SGCZ: variants seen among roughly 807,000 people sequenced by gnomAD.
SGCZ encodes zeta-sarcoglycan.
In SGCZ, 40 loss-of-function variants were observed where a neutral mutation model predicts 41.3. That is an observed-to-expected ratio of 0.97 (90% CI 0.75 to 1.26). SGCZ has a LOEUF of 1.26. Among genes scored for constraint, SGCZ ranks in the 50% most tolerant of loss-of-function variants. SGCZ has a pLI of 0.00. For synonymous variants in SGCZ, 206 were observed against 137.5 expected (o/e 1.50, Z -3.49); for missense variants, 552 against 369.8 (o/e 1.49, Z -4.04).
intron 1 of SGCZ, among the ~76,000 whole-genome samples, chr8:14,839,072 T>G (rs1028439687): frequency 1.8e-4 from 28 of 152,126 alleles, no homozygotes; most frequent in African/African-American, 6.8e-4. Flanking sequence ...GAATAGACTT[T>G]CAGGTGGTTG....
At chr8:14,500,207 T>C (rs548145333) in intron 2 of SGCZ, among the ~76,000 whole-genome samples, 1 of 152,208 alleles carries the variant, frequency 6.6e-6, no homozygotes, top group South Asian at 2.1e-4. Flanking sequence ...TATAATATAT[T>C]TTGACTTTTG....
intron 2 of SGCZ, among the ~76,000 whole-genome samples, chr8:14,463,720 T>G (rs1800968854): frequency 6.6e-6 from 1 of 151,724 alleles, no homozygotes; most frequent in Non-Finnish European, 1.5e-5. Context: ...AGTAAAAGCA[T>G]TTAGTCTTCA....
At chr8:14,275,497 T>C (rs1448983338) in intron 3 of SGCZ, among the ~76,000 whole-genome samples, 1 of 152,138 alleles carries the variant, frequency 6.6e-6, no homozygotes, top group Non-Finnish European at 1.5e-5. Flanking sequence ...CATATTCCCT[T>C]TCTCTGTTTG....
chr8:14,422,815 T>A (rs1167764846), intron 2 of SGCZ, among the ~76,000 whole-genome samples: 4 of 152,174 alleles, frequency 2.6e-5, no homozygotes, highest in Non-Finnish European at 5.9e-5. Context: ...TCTCTTAGGC[T>A]CAGAAATCTG....
intron 3 of SGCZ, among the ~76,000 whole-genome samples, chr8:14,271,951 G>A (rs2117265439): frequency 6.6e-6 from 1 of 152,114 alleles, no homozygotes; most frequent in South Asian, 2.1e-4. Flanking sequence ...AATTCCCATG[G>A]GCCATTGGAC....
At chr8:14,619,491 A>T (rs1232112479) in intron 1 of SGCZ, among the ~76,000 whole-genome samples, 14 of 152,174 alleles carry the variant, frequency 9.2e-5, no homozygotes, top group Admixed American at 3.9e-4. Flanking sequence ...GGAAAAGAAG[A>T]AGTCAAACTG....
At chr8:15,135,772 G>T (rs268430) in intron 1 of SGCZ, among the ~76,000 whole-genome samples, 2,012 of 152,178 alleles carry the variant, frequency 0.013, 41 homozygotes, top group African/African-American at 0.046. Context: ...GAAATAATTC[G>T]AGGGTGAGCT....
At chr8:14,739,097 T>C (rs1324306410) in intron 1 of SGCZ, among the ~76,000 whole-genome samples, 1 of 152,082 alleles carries the variant, frequency 6.6e-6, no homozygotes, top group Non-Finnish European at 1.5e-5. Context: ...TATATGTTGT[T>C]AATTACTACT....
chr8:14,104,337 C>A (rs936859592), intron 6 of SGCZ, among the ~76,000 whole-genome samples: 1 of 151,962 alleles, frequency 6.6e-6, no homozygotes, highest in African/African-American at 2.4e-5. Context: ...CCTCTACCAC[C>A]TGGTTTTTCA....
chr8:14,289,990 C>T (rs1443731840), intron 3 of SGCZ, among the ~76,000 whole-genome samples: 5 of 151,768 alleles, frequency 3.3e-5, no homozygotes, highest in Non-Finnish European at 5.9e-5. Flanking sequence ...CAGTTTTAAA[C>T]AGCAGATCTT....
chr8:14,196,327 G>A (rs980978331), intron 4 of SGCZ, among the ~76,000 whole-genome samples: 2 of 150,818 alleles, frequency 1.3e-5, no homozygotes, highest in African/African-American at 4.9e-5. Flanking sequence ...GCAATGGTGT[G>A]ATCTCCTGTC....
chr8:14,369,652 C>T (rs970704703), intron 2 of SGCZ, among the ~76,000 whole-genome samples: 3 of 151,956 alleles, frequency 2.0e-5, no homozygotes, highest in African/African-American at 7.2e-5. Context: ...ACATTATTAA[C>T]ATATTAATGA....
rs116321396 is a variant in SGCZ at position 14,924,133 on chromosome 8, T to C, written c.39+313452A>G. Reference sequence around the variant, plus strand: ...ATCACAAGTTTTTGTCTCACGTTTGTTCTAAAAATCCTTTAGTCTTTAAGA... The same window carrying C: ...ATCACAAGTTTTTGTCTCACGTTTGCTCTAAAAATCCTTTAGTCTTTAAGA... On this transcript the variant is annotated intron_variant, in intron 1 of 7. Transcript: ENST00000382080. Among the ~76,000 whole-genome samples, 468 of 152,358 alleles carry C rather than the reference T, an allele frequency of 3.1e-3. 3 individuals carry two copies. Among genetic ancestry groups the C allele is most frequent in the African/African-American group, 0.011 (451 of 41,582 alleles).
intron 2 of SGCZ, among the ~76,000 whole-genome samples, chr8:14,538,470 A>G (rs1803361992): frequency 6.6e-6 from 1 of 152,000 alleles, no homozygotes; most frequent in African/African-American, 2.4e-5. Context: ...AACTTAACCC[A>G]ACCTGTGGAA....
chr8:14,110,430 G>A (rs1802337393), intron 5 of SGCZ, among the ~76,000 whole-genome samples: 1 of 152,040 alleles, frequency 6.6e-6, no homozygotes, highest in Non-Finnish European at 1.5e-5. Context: ...AAAAATAACA[G>A]AATGTCATCA....
intron 2 of SGCZ, among the ~76,000 whole-genome samples, chr8:14,545,519 GCAT>G (rs1430755646): frequency 6.6e-6 from 1 of 151,004 alleles, no homozygotes; most frequent in Non-Finnish European, 1.5e-5. Context: ...CCTACTAAAA[GCAT>G]CATATTATTT....
chr8:14,115,973 A>G (rs1017187911), intron 5 of SGCZ, among the ~76,000 whole-genome samples: 1 of 152,082 alleles, frequency 6.6e-6, no homozygotes, highest in East Asian at 1.9e-4. Flanking sequence ...ACCGACCATT[A>G]CCAAATGGAA....
intron 4 of SGCZ, among the ~76,000 whole-genome samples, chr8:14,232,351 C>T (rs1218233321): frequency 4.0e-5 from 6 of 151,874 alleles, no homozygotes; most frequent in Admixed American, 2.0e-4. Context: ...AAGCTGTTTA[C>T]AACAGTTTCT....
At chr8:14,529,649 T>A (rs539275253) in intron 2 of SGCZ, among the ~76,000 whole-genome samples, 1 of 152,092 alleles carries the variant, frequency 6.6e-6, no homozygotes, top group Non-Finnish European at 1.5e-5. Context: ...AATTCCCTAG[T>A]TTTGCCCTAA....
Sources: allele counts gnomAD v4.1 joint callset (sites outside exome capture counted in the v4.1 genomes callset), GRCh38; gene constraint gnomAD v4.1.1; transcripts MANE v1.5; gene names NCBI Gene and HGNC (gene_info 2026-07-23, HGNC 2026-07-21).